The following GPC6 variants were observed in gnomAD, a reference collection of about 807,000 sequenced individuals.
GPC6 encodes the protein glypican 6.
A neutral mutation model predicts 55.2 loss-of-function variants in GPC6; 14 were observed. The ratio of observed to expected loss-of-function variants is 0.25; its 90% CI spans 0.17 to 0.40. The LOEUF is 0.40. Among genes scored for constraint, GPC6 ranks in the 10% least tolerant of loss-of-function variants. The pLI is 1.00. For missense variants in GPC6, 641 were observed against 708.5 expected (o/e 0.90, Z 1.08); for synonymous variants, 278 against 259.6 (o/e 1.07, Z -0.68).
intron 1 of GPC6, among the ~76,000 whole-genome samples, chr13:93,345,384 G>T (rs7324202): frequency 0.41 from 62,358 of 151,732 alleles, 14,252 homozygotes; most frequent in East Asian, 0.91. Context: ...GATGATATCA[G>T]TATTGCTGTT....
chr13:93,499,823 G>A lies in GPC6; in HGVS notation c.161-45440G>A, dbSNP rs1054775236. Among the ~76,000 whole-genome samples the A allele has an allele frequency of 5.3e-5, 8 of 152,126 alleles. No individual in the cohort carries two copies. The South Asian group carries it at 1.0e-3, about 20-fold the overall frequency. On this transcript the variant is annotated intron_variant, in intron 1 of 8. Transcript: ENST00000377047. ...GTTGATGTTTGACTGTGACAGCCAC[G>A]AGTTGCCTTTCTTGTGTTACAAAGT...
chr13:93,559,356 A>C (rs143774347), intron 2 of GPC6, among the ~76,000 whole-genome samples: 7 of 152,346 alleles, frequency 4.6e-5, no homozygotes, highest in African/African-American at 1.7e-4. Flanking sequence ...TATCTTGCAT[A>C]AAGTTTTCCC....
At chr13:94,103,717 A>G (rs1034448186) in intron 4 of GPC6, among the ~76,000 whole-genome samples, 3 of 152,130 alleles carry the variant, frequency 2.0e-5, no homozygotes, top group Non-Finnish European at 4.4e-5. Context: ...TCCTTTGCCC[A>G]CTTTGTGATG....
At chr13:93,744,328 A>G (rs1884311788) in intron 2 of GPC6, among the ~76,000 whole-genome samples, 1 of 151,962 alleles carries the variant, frequency 6.6e-6, no homozygotes, top group South Asian at 2.1e-4. Context: ...GTCTCTACCC[A>G]TGAACTGCTG....
At chr13:93,890,423 A>G (rs1049876051) in intron 3 of GPC6, among the ~76,000 whole-genome samples, 25 of 152,076 alleles carry the variant, frequency 1.6e-4, no homozygotes, top group African/African-American at 6.0e-4. Context: ...ACTGTAATCA[A>G]TAAGTATTTG....
At chr13:93,386,556 C>T (rs1875415576) in intron 1 of GPC6, among the ~76,000 whole-genome samples, 1 of 152,180 alleles carries the variant, frequency 6.6e-6, no homozygotes, top group Non-Finnish European at 1.5e-5. Flanking sequence ...CAGAAAGAGG[C>T]TCTGACATTC....
chr13:93,593,975 A>G (rs1379832534), intron 2 of GPC6, among the ~76,000 whole-genome samples: 1 of 152,150 alleles, frequency 6.6e-6, no homozygotes, highest in Admixed American at 6.5e-5. Context: ...ATTCATATAA[A>G]TAGGGACAGT....
At chr13:93,548,248 T>G (rs1874935279) in intron 2 of GPC6, among the ~76,000 whole-genome samples, 1 of 152,224 alleles carries the variant, frequency 6.6e-6, no homozygotes, top group Non-Finnish European at 1.5e-5. Context: ...TCAGAGGTCT[T>G]AATTTGTCAT....
At chr13:94,295,496 G>A (rs1422535114) in intron 5 of GPC6, among the ~76,000 whole-genome samples, 1 of 152,124 alleles carries the variant, frequency 6.6e-6, no homozygotes. Flanking sequence ...TGGATGTATG[G>A]TGTTATTTTT....
rs374414019 is a variant in GPC6 at position 93,393,107 on chromosome 13, G to GATATATATATATATAT, written c.161-152150_161-152135dup. Among the ~76,000 whole-genome samples the GATATATATATATATAT allele has an allele frequency of 7.8e-5, 9 of 114,772 alleles. No homozygotes were observed. The East Asian group carries it at 1.1e-3, about 13-fold the overall frequency. The allele number at this position is 114,772 out of a possible 152,430, so 75.3% of individuals were successfully genotyped here. Reference sequence around the variant, plus strand: ...TATATAGAGAAAAATATGTATATTTGATATATATATATATATATATAGAGA... The same window carrying GATATATATATATATAT: ...TATATAGAGAAAAATATGTATATTTGATATATATATATATATATATATATATATATATATATAGAGA... On this transcript the variant is annotated intron_variant, in intron 1 of 8. Transcript: ENST00000377047.
chr13:94,033,870 G>A (rs2138729107), intron 4 of GPC6, among the ~76,000 whole-genome samples: 2 of 152,198 alleles, frequency 1.3e-5, no homozygotes, highest in East Asian at 1.9e-4. Flanking sequence ...TGTAATACAA[G>A]AGCCTATTTA....
intron 6 of GPC6, among the ~76,000 whole-genome samples, chr13:94,362,924 G>C (rs762957792): frequency 6.6e-6 from 1 of 152,132 alleles, no homozygotes; most frequent in Non-Finnish European, 1.5e-5. Context: ...TGCAGAACGT[G>C]CAGGTTTGGT....
intron 3 of GPC6, among the ~76,000 whole-genome samples, chr13:93,866,482 T>A (rs1261055533): frequency 6.6e-6 from 1 of 151,722 alleles, no homozygotes; most frequent in East Asian, 2.0e-4. Flanking sequence ...TTCCCATCAG[T>A]GATAGACTGA....
intron 2 of GPC6, among the ~76,000 whole-genome samples, chr13:93,802,921 T>A (rs1293883347): frequency 6.6e-6 from 1 of 152,196 alleles, no homozygotes; most frequent in Non-Finnish European, 1.5e-5. Flanking sequence ...CAGACTAAAC[T>A]TTTATCATCA....
intron 6 of GPC6, among the ~76,000 whole-genome samples, chr13:94,378,316 A>G (rs2139202690): frequency 1.3e-5 from 2 of 152,264 alleles, no homozygotes; most frequent in South Asian, 4.1e-4. Context: ...TTTAAGTCAG[A>G]AACTTGATGG....
chr13:93,617,897 A>G (rs1421717379), intron 2 of GPC6, among the ~76,000 whole-genome samples: 1 of 152,120 alleles, frequency 6.6e-6, no homozygotes, highest in Non-Finnish European at 1.5e-5. Context: ...TTCCTTACAT[A>G]TACTAAAAAC....
intron 2 of GPC6, among the ~76,000 whole-genome samples, chr13:93,741,006 G>A (rs1171502411): frequency 1.3e-5 from 2 of 151,388 alleles, no homozygotes; most frequent in African/African-American, 2.4e-5. Context: ...AAAACATGAT[G>A]CTATTGATTT....
intron 2 of GPC6, among the ~76,000 whole-genome samples, chr13:93,746,642 C>T (rs575038800): frequency 6.6e-6 from 1 of 152,258 alleles, no homozygotes; most frequent in Non-Finnish European, 1.5e-5. Context: ...AAAACAACAC[C>T]ATATTCAAGA....
At chr13:94,340,418 A>C (rs1253749798) in intron 6 of GPC6, among the ~76,000 whole-genome samples, 1 of 152,230 alleles carries the variant, frequency 6.6e-6, no homozygotes, top group East Asian at 1.9e-4. Flanking sequence ...AGCTACATTA[A>C]AATCATTCCA....
Sources: gnomAD v4.1 joint callset for allele counts (sites outside exome capture counted in the v4.1 genomes callset) on GRCh38, gnomAD v4.1.1 for gene constraint, MANE v1.5 for transcripts, NCBI Gene and HGNC (gene_info 2026-07-23, HGNC 2026-07-21) for gene names.